MXD1: variants seen among roughly 807,000 people sequenced by gnomAD.
MXD1 encodes MAX-binding protein.
MXD1 carries 9 observed loss-of-function variants against 25.7 expected under a neutral mutation model. That is an observed-to-expected ratio of 0.35 (90% CI 0.21 to 0.61). The LOEUF is 0.61. Ranked by LOEUF, MXD1 falls within the 20% of genes least tolerant of loss-of-function variation. The pLI, the probability that MXD1 is intolerant of heterozygous loss-of-function variation, is 0.75. For synonymous variants in MXD1, 99 were observed against 113.9 expected (o/e 0.87, Z 0.83); for missense variants, 227 against 292.4 (o/e 0.78, Z 1.63).
chr2:69,920,105 C>T (rs1375526725), intron 2 of MXD1, among the ~76,000 whole-genome samples: 3 of 152,158 alleles, frequency 2.0e-5, no homozygotes, highest in African/African-American at 7.2e-5. Flanking sequence ...CCAACTCCCT[C>T]GTTCAAGGGA....
chr2:69,933,207 AAAAAAAAAAAAAAAAAAC>A (rs892767643), intron 3 of MXD1, among the ~76,000 whole-genome samples: 4 of 147,984 alleles, frequency 2.7e-5, no homozygotes, highest in African/African-American at 5.1e-5. Context: ...TCTCAAAAAA[AAAAAAAAAAAAAAAAAAC>A]AAAAAAAGAA....
At chr2:69,926,275 C>T (rs545611606) in intron 3 of MXD1, among the ~76,000 whole-genome samples, 1 of 151,314 alleles carries the variant, frequency 6.6e-6, no homozygotes, top group East Asian at 1.9e-4. Flanking sequence ...TCTTTCTAGA[C>T]TTATTCTTCC....
At chr2:69,919,438 G>A (rs545933790) in intron 2 of MXD1, among the ~76,000 whole-genome samples, 1 of 152,180 alleles carries the variant, frequency 6.6e-6, no homozygotes, top group East Asian at 1.9e-4. Flanking sequence ...TCTACCTCCT[G>A]GGTTCAAGTG....
chr2:69,925,064 A>C (rs748931082), intron 3 of MXD1, among the ~76,000 whole-genome samples: 3 of 152,170 alleles, frequency 2.0e-5, no homozygotes, highest in Non-Finnish European at 4.4e-5. Flanking sequence ...TGAGCACCTA[A>C]GATGCCGTGT....
intron 3 of MXD1, among the ~76,000 whole-genome samples, chr2:69,923,065 CACCCAA>C (rs1464540426): frequency 6.8e-5 from 10 of 147,052 alleles, no homozygotes; most frequent in African/African-American, 2.5e-4. Flanking sequence ...ACACACAAAA[CACCCAA>C]AACAACAACA....
intron 5 of MXD1, 130 bp from the exon 6 acceptor site, chr2:69,937,967 A>G (rs1179889988): frequency 3.6e-6 from 3 of 826,260 alleles, no homozygotes; most frequent in Non-Finnish European, 3.8e-6. Context: ...AGCTGGTCTC[A>G]AACTCCTAAC....
chr2:69,919,141 A>G (rs1168066120), intron 2 of MXD1, among the ~76,000 whole-genome samples: 1 of 152,192 alleles, frequency 6.6e-6, no homozygotes, highest in Non-Finnish European at 1.5e-5. Context: ...AGAATTTTGC[A>G]TAAGTATATA....
At chr2:69,926,919 T>C (rs1677181944) in intron 3 of MXD1, among the ~76,000 whole-genome samples, 1 of 152,204 alleles carries the variant, frequency 6.6e-6, no homozygotes, top group African/African-American at 2.4e-5. Context: ...CCTTTAATAG[T>C]AGACATCCAT....
In MXD1 at chr2:69,933,220, AAAAAC is replaced by A. The variant is rs1391322593; in HGVS notation, c.204-2126_204-2122del. Reference sequence around the variant, plus strand: ...TGTCTCAAAAAAAAAAAAAAAAAAAAAAAACAAAAAAAGAAAATTAGTCTATAAGT... The same window carrying A: ...TGTCTCAAAAAAAAAAAAAAAAAAAAAAAAAAAGAAAATTAGTCTATAAGT... On this transcript the variant is annotated intron_variant, in intron 3 of 5. Transcript: ENST00000264444. Among the ~76,000 whole-genome samples, 625 of 147,196 alleles carry A rather than the reference AAAAAC, an allele frequency of 4.2e-3. 3 individuals carry two copies. The highest frequency in any genetic ancestry group is 0.016 in the African/African-American group (592 of 37,880).
chr2:69,936,388 T>C (rs767430679), intron 4 of MXD1, among the ~76,000 whole-genome samples: 7 of 152,014 alleles, frequency 4.6e-5, no homozygotes, highest in Non-Finnish European at 1.0e-4. Context: ...CCTCCTAGGG[T>C]ATCGGGCACA....
rs1573397948 is a variant in MXD1, at chr2:69,916,478, T to C, written c.173+258T>C. The C allele has an allele frequency of 1.1e-5, 3 of 277,604 alleles. No homozygotes were observed. The South Asian group carries it at 1.6e-4, about 15-fold the overall frequency. The allele number at this position is 277,604 out of a possible 1,614,324, so 17.2% of individuals were successfully genotyped here. A position where few individuals can be genotyped will look rare whatever the true frequency, so the allele number is the denominator to read the frequency against. ...ATTTAATTTCACTTTTCTTCCCTTTTGGAACAAAAAAATCTGTGGAAGCTT... is the reference window on the plus strand; with the variant it reads ...ATTTAATTTCACTTTTCTTCCCTTTCGGAACAAAAAAATCTGTGGAAGCTT... On this transcript the variant is annotated intron_variant, in intron 2 of 5. Transcript: ENST00000264444.
rs144990353 is a variant in MXD1 at position 69,939,715 on chromosome 2, G to A, written c.*1431G>A. 3.3e-5 allele frequency: 5 copies of A among 152,624 alleles called. No individual in the cohort carries two copies. Among genetic ancestry groups the A allele is most frequent in the African/African-American group, 1.2e-4 (5 of 41,568 alleles). The allele number at this position is 152,624 out of a possible 1,614,324, so 9.5% of individuals were successfully genotyped here. A position where few individuals can be genotyped will look rare whatever the true frequency, so the allele number is the denominator to read the frequency against. ...CTTTTTCATTGAATTTGAACCATTTGTAAAATCTGTGATGCTGAAGCAGAG... is the reference window on the plus strand; with the variant it reads ...CTTTTTCATTGAATTTGAACCATTTATAAAATCTGTGATGCTGAAGCAGAG... On this transcript the variant is annotated 3_prime_UTR_variant, in exon 6 of 6. Transcript: ENST00000264444.
At chr2:69,921,925 G>C (rs1390505017) in intron 3 of MXD1, among the ~76,000 whole-genome samples, 160 bp downstream of exon 3, 1 of 152,102 alleles carries the variant, frequency 6.6e-6, no homozygotes, top group South Asian at 2.1e-4. Context: ...AAATTACTTA[G>C]GTAGATGTAG....
At chr2:69,928,461 G>T (rs1019658635) in intron 3 of MXD1, among the ~76,000 whole-genome samples, 1 of 152,080 alleles carries the variant, frequency 6.6e-6, no homozygotes, top group Non-Finnish European at 1.5e-5. Flanking sequence ...TATCTATCAG[G>T]GTTTGAATAT....
rs1677644644 is a variant in MXD1, at chr2:69,942,923, A to G, written c.*4639A>G. Reference sequence around the variant, plus strand: ...TATTGTTCAACTGTTAACAAATAATAAATTATTTCATTATTAAAGAAATTT... The same window carrying G: ...TATTGTTCAACTGTTAACAAATAATGAATTATTTCATTATTAAAGAAATTT... On this transcript the variant is annotated 3_prime_UTR_variant, in exon 6 of 6. Transcript: ENST00000264444. The G allele has an allele frequency of 6.6e-6, 1 of 152,224 alleles. No homozygotes were observed. The highest frequency in any genetic ancestry group is 2.4e-5 in the African/African-American group (1 of 41,452). 9.4% of individuals were successfully genotyped at this position (152,224 alleles called of 1,614,324 possible).
chr2:69,936,769 T>C (rs1677454717), intron 4 of MXD1, among the ~76,000 whole-genome samples: 1 of 152,192 alleles, frequency 6.6e-6, no homozygotes, highest in Non-Finnish European at 1.5e-5. Context: ...TTAATTGAGA[T>C]TTGGCATGAC....
chr2:69,918,308 A>C (rs553236149), intron 2 of MXD1, among the ~76,000 whole-genome samples: 1 of 152,364 alleles, frequency 6.6e-6, no homozygotes, highest in African/African-American at 2.4e-5. Context: ...TCCTTGGACA[A>C]TAAAAGATAA....
chr2:69,932,262 G>C (rs1677304525), intron 3 of MXD1, among the ~76,000 whole-genome samples: 1 of 152,144 alleles, frequency 6.6e-6, no homozygotes, highest in Non-Finnish European at 1.5e-5. Flanking sequence ...CAGGGTTGGA[G>C]AGCTTTGGTA....
chr2:69,936,163 T>G (rs1325920388), intron 4 of MXD1, among the ~76,000 whole-genome samples: 1 of 152,112 alleles, frequency 6.6e-6, no homozygotes, highest in Non-Finnish European at 1.5e-5. Flanking sequence ...CAGATCACAG[T>G]GCAAGTCTCT....
Sources: gnomAD v4.1 joint callset for allele counts (sites outside exome capture counted in the v4.1 genomes callset) on GRCh38, gnomAD v4.1.1 for gene constraint, MANE v1.5 for transcripts, NCBI Gene and HGNC (gene_info 2026-07-23, HGNC 2026-07-21) for gene names.